The following JAKMIP2 variants were observed in gnomAD, a reference collection of about 807,000 sequenced individuals.
The protein encoded by JAKMIP2 is janus kinase and microtubule interacting protein 2.
In JAKMIP2, 25 loss-of-function variants were observed where a neutral mutation model predicts 115.0. The observed-to-expected ratio is 0.22, with a 90% CI of 0.16 to 0.30. The LOEUF (loss-of-function observed/expected upper bound fraction) is 0.30. JAKMIP2 is among the 10% of genes least tolerant of loss of function. JAKMIP2 has a pLI of 1.00. For missense variants in JAKMIP2, 642 were observed against 957.6 expected (o/e 0.67, Z 4.35); for synonymous variants, 334 against 343.6 (o/e 0.97, Z 0.31).
intron 1 of JAKMIP2, among the ~76,000 whole-genome samples, chr5:147,779,400 A>C (rs900160664): frequency 2.0e-5 from 3 of 152,100 alleles, no homozygotes; most frequent in Non-Finnish European, 2.9e-5. Context: ...ATTTGTATAT[A>C]CCTTTCATAT....
At chr5:147,631,932 A>G (rs533592370) in intron 13 of JAKMIP2, among the ~76,000 whole-genome samples, 95 of 152,330 alleles carry the variant, frequency 6.2e-4, no homozygotes, top group Middle Eastern at 6.8e-3. Flanking sequence ...ACTGAAGCCT[A>G]CTAACACCTA....
At chr5:147,665,798 G>T (rs574202237) in intron 2 of JAKMIP2, among the ~76,000 whole-genome samples, 5 of 152,150 alleles carry the variant, frequency 3.3e-5, no homozygotes, top group Non-Finnish European at 5.9e-5. Flanking sequence ...GATATAATAG[G>T]AGATACTCCT....
chr5:147,766,927 G>A (rs112341155), intron 1 of JAKMIP2, among the ~76,000 whole-genome samples: 4,309 of 152,162 alleles, frequency 0.028, 222 homozygotes, highest in African/African-American at 0.098. Flanking sequence ...GAAAGTGGCC[G>A]TAATATAAAC....
chr5:147,622,935 T>C (rs1173621649), intron 17 of JAKMIP2, among the ~76,000 whole-genome samples: 1 of 152,228 alleles, frequency 6.6e-6, no homozygotes, highest in Non-Finnish European at 1.5e-5. Context: ...TTTTTGGTTG[T>C]GGGAACACAG....
At chr5:147,597,103 G>A (rs1259932832) in intron 21 of JAKMIP2, among the ~76,000 whole-genome samples, 1 of 150,036 alleles carries the variant, frequency 6.7e-6, no homozygotes, top group African/African-American at 2.5e-5. Flanking sequence ...GGCTGGTCTC[G>A]AACTCCTGAC....
intron 1 of JAKMIP2, among the ~76,000 whole-genome samples, chr5:147,714,016 G>A (rs1037634138): frequency 3.3e-5 from 5 of 152,084 alleles, no homozygotes; most frequent in African/African-American, 1.2e-4. Context: ...AAAAGCAAAA[G>A]ACAACTGACT....
chr5:147,605,071 C>T (rs940370525), intron 20 of JAKMIP2, among the ~76,000 whole-genome samples: 1 of 151,770 alleles, frequency 6.6e-6, no homozygotes, highest in Non-Finnish European at 1.5e-5. Flanking sequence ...TGAGAACATG[C>T]AGTGTTTGGT....
intron 1 of JAKMIP2, among the ~76,000 whole-genome samples, chr5:147,777,118 C>T (rs1755587743): frequency 6.6e-6 from 1 of 152,138 alleles, no homozygotes; most frequent in Admixed American, 6.6e-5. Context: ...TGGATTCAGA[C>T]CTCATTCATT....
chr5:147,672,094 C>T lies in JAKMIP2; in HGVS notation c.-148-140G>A, dbSNP rs548063294. 2.8e-5 allele frequency: 10 copies of T among 362,802 alleles called. No individual in the cohort carries two copies. In the South Asian group the frequency reaches 8.8e-4, roughly 32 times the overall value. 22.5% of individuals were successfully genotyped at this position (362,802 alleles called of 1,614,324 possible). ...CCTCAGTATCTCCTGTCCACTTGTACGTGAGTTTAGAGTGATTTTTTTTTC... is the reference window on the plus strand; with the variant it reads ...CCTCAGTATCTCCTGTCCACTTGTATGTGAGTTTAGAGTGATTTTTTTTTC... On this transcript the variant is annotated intron_variant, in intron 1 of 21. Coordinates refer to ENST00000616793, the MANE Select transcript of JAKMIP2 (RefSeq NM_001270941.2).
chr5:147,638,624 T>G (rs138242891), intron 10 of JAKMIP2, among the ~76,000 whole-genome samples: 2 of 151,980 alleles, frequency 1.3e-5, no homozygotes, highest in Non-Finnish European at 2.9e-5. Flanking sequence ...CACTGAACAA[T>G]AGTAGTTCTA....
rs538437727 is a variant in JAKMIP2 at position 147,650,173 on chromosome 5, T to C, written c.837+165A>G. On this transcript the variant is annotated intron_variant, in intron 4 of 21. Coordinates refer to ENST00000616793, the MANE Select transcript of JAKMIP2 (RefSeq NM_001270941.2). Reference sequence around the variant, plus strand: ...ATGTAGTGCAGACCACTTAGTTGTCTATGAGTTTAGAAAACCCTGTTCTCA... The same window carrying C: ...ATGTAGTGCAGACCACTTAGTTGTCCATGAGTTTAGAAAACCCTGTTCTCA... Among the ~76,000 whole-genome samples the C allele has an allele frequency of 2.6e-5, 4 of 152,344 alleles. No homozygotes were observed. The South Asian group carries it at 8.3e-4, about 32-fold the overall frequency.
Position 147,675,486 on chromosome 5 carries a change from A to T in JAKMIP2, c.-148-3532T>A, listed in dbSNP as rs1046074025. 1.6e-3 allele frequency among the ~76,000 whole-genome samples: 225 copies of T among 142,190 alleles called. 1 individual carries two copies. Among genetic ancestry groups the T allele is most frequent in the Non-Finnish European group, 1.7e-3 (111 of 64,768 alleles). 93.3% of individuals were successfully genotyped at this position (142,190 alleles called of 152,430 possible). The stretch of plus-strand genomic sequence containing the variant: ...CTCCTTGTGCTGCTTTTTTTTTTTT[A>T]TTTTCACAGCTTCTTTGAGATATAA... On this transcript the variant is annotated intron_variant, in intron 1 of 21. Coordinates refer to ENST00000616793, the MANE Select transcript of JAKMIP2 (RefSeq NM_001270941.2).
intron 8 of JAKMIP2, among the ~76,000 whole-genome samples, chr5:147,641,182 C>G (rs963487257): frequency 6.6e-6 from 1 of 152,070 alleles, no homozygotes; most frequent in Non-Finnish European, 1.5e-5. Flanking sequence ...TGGAGATGAT[C>G]AAATCTTAAG....
At chr5:147,694,430 G>A (rs780252093) in intron 1 of JAKMIP2, among the ~76,000 whole-genome samples, 41 of 152,064 alleles carry the variant, frequency 2.7e-4, no homozygotes, top group Admixed American at 6.6e-4. Flanking sequence ...TCATTACCCC[G>A]GGTCAGGACT....
intron 1 of JAKMIP2, among the ~76,000 whole-genome samples, chr5:147,748,295 C>T (rs141131058): frequency 1.3e-4 from 20 of 152,228 alleles, no homozygotes; most frequent in African/African-American, 4.8e-4. Flanking sequence ...ATAAATCCCA[C>T]AGAACAGTTT....
intron 1 of JAKMIP2, among the ~76,000 whole-genome samples, chr5:147,762,088 A>C (rs2127049226): frequency 6.6e-6 from 1 of 152,204 alleles, no homozygotes; most frequent in African/African-American, 2.4e-5. Flanking sequence ...AGAAGAAAGA[A>C]GAAAACTATA....
chr5:147,744,370 A>G (rs915684160), intron 1 of JAKMIP2, among the ~76,000 whole-genome samples: 2 of 152,170 alleles, frequency 1.3e-5, no homozygotes, highest in Non-Finnish European at 2.9e-5. Context: ...CCAGACTCTT[A>G]AAAGTTCACT....
chr5:147,711,610 C>CA (rs1227513730), intron 1 of JAKMIP2, among the ~76,000 whole-genome samples: 4 of 152,256 alleles, frequency 2.6e-5, no homozygotes, highest in Middle Eastern at 6.8e-3. Context: ...TCTCATGGGT[C>CA]TTTGAGGAGA....
chr5:147,635,118 C>T (rs1319890260), intron 12 of JAKMIP2, among the ~76,000 whole-genome samples: 1 of 151,844 alleles, frequency 6.6e-6, no homozygotes, highest in Non-Finnish European at 1.5e-5. Context: ...CAGAGGTTGC[C>T]GTGAGCTGAG....
Sources: allele counts gnomAD v4.1 joint callset (sites outside exome capture counted in the v4.1 genomes callset), GRCh38; gene constraint gnomAD v4.1.1; transcripts MANE v1.5; gene names NCBI Gene and HGNC (gene_info 2026-07-23, HGNC 2026-07-21).